Variants in PDE4D observed in about 807,000 individuals in gnomAD.
The protein encoded by PDE4D is 3',5'-cyclic-AMP phosphodiesterase 4D.
Under a neutral mutation model 87.4 loss-of-function variants are expected in PDE4D, and 24 were observed. That is an observed-to-expected ratio of 0.27 (90% CI 0.20 to 0.39). PDE4D has a LOEUF of 0.39. PDE4D is among the 10% of genes least tolerant of loss of function. PDE4D has a pLI of 1.00. For synonymous variants in PDE4D, 384 were observed against 383.2 expected, an observed-to-expected ratio of 1.00 and a Z score of -0.02; for missense variants, 714 against 1,041.0, an observed-to-expected ratio of 0.69 and a Z score of 4.32.
intron 1 of PDE4D, chr5:59,768,654 T>C: frequency 2.0e-6 from 3 of 1,506,064 alleles, no homozygotes; most frequent in Non-Finnish European, 2.6e-6. Context: ...CTGTAGAGCC[T>C]GGGGCTGGGT....
At chr5:59,434,873 A>G (rs562259688) in intron 1 of PDE4D, among the ~76,000 whole-genome samples, 21 of 152,210 alleles carry the variant, frequency 1.4e-4, no homozygotes, top group African/African-American at 5.1e-4. Flanking sequence ...AATAGCTAAC[A>G]CTGATCAGAT....
chr5:59,637,558 T>C (rs1340259700), intron 1 of PDE4D, among the ~76,000 whole-genome samples: 2 of 151,828 alleles, frequency 1.3e-5, no homozygotes, highest in Non-Finnish European at 2.9e-5. Flanking sequence ...CATGGAATAC[T>C]TTGCAGACAT....
At chr5:60,238,995 T>C (rs1746759896) in intron 1 of PDE4D, among the ~76,000 whole-genome samples, 1 of 152,068 alleles carries the variant, frequency 6.6e-6, no homozygotes, top group Non-Finnish European at 1.5e-5. Context: ...AGCATTCCAA[T>C]AATGGAACAC....
chr5:59,163,784 A>C (rs1416642062), intron 5 of PDE4D, among the ~76,000 whole-genome samples: 1 of 152,168 alleles, frequency 6.6e-6, no homozygotes, highest in African/African-American at 2.4e-5. Flanking sequence ...TAAAGGAAAT[A>C]GTTGTTATGA....
At chr5:60,171,122 T>C (rs144445941) in intron 2 of PDE4D, among the ~76,000 whole-genome samples, 2 of 152,188 alleles carry the variant, frequency 1.3e-5, no homozygotes, top group East Asian at 1.9e-4. Flanking sequence ...AATGACTACA[T>C]TGTCATTTGT....
chr5:59,764,111 C>T (rs1014562542), intron 1 of PDE4D, among the ~76,000 whole-genome samples: 1 of 152,160 alleles, frequency 6.6e-6, no homozygotes, highest in Non-Finnish European at 1.5e-5. Flanking sequence ...TCCTTTCCTA[C>T]AGTAATAAAA....
chr5:59,146,895 A>G (rs1175124150), intron 5 of PDE4D, among the ~76,000 whole-genome samples: 1 of 152,158 alleles, frequency 6.6e-6, no homozygotes, highest in African/African-American at 2.4e-5. Flanking sequence ...CCCAACCTCC[A>G]AGCCACAGAC....
chr5:59,586,941 C>T lies in PDE4D; in HGVS notation c.455+306227G>A, dbSNP rs941138485. 1.8e-5 allele frequency: 18 copies of T among 985,294 alleles called. No individual in the cohort carries two copies. In the East Asian group the frequency reaches 6.8e-4, roughly 37 times the overall value. 61.0% of individuals were successfully genotyped at this position (985,294 alleles called of 1,614,324 possible). A position where few individuals can be genotyped will look rare whatever the true frequency, so the allele number is the denominator to read the frequency against. On this transcript the variant is annotated intron_variant, in intron 1 of 14. Transcript: ENST00000340635. ...CGCAGTGCTACCGTCTGAGACGTGT[C>T]GGACAAAGGCCTGGGCAGAGGGGCT...
rs35539982 is a variant in PDE4D, at chr5:60,305,038, T to TACACACAC, written c.-89-119359_-89-119352dup. 4.7e-3 allele frequency among the ~76,000 whole-genome samples: 633 copies of TACACACAC among 135,922 alleles called. 4 individuals carry two copies. The highest frequency in any genetic ancestry group is 7.2e-3 in the Middle Eastern group (2 of 276). The allele number at this position is 135,922 out of a possible 152,430, so 89.2% of individuals were successfully genotyped here. A position where few individuals can be genotyped will look rare whatever the true frequency, so the allele number is the denominator to read the frequency against. On this transcript the variant is annotated intron_variant, in intron 1 of 16. Coordinates refer to the PDE4D transcript ENST00000502484. ...CTCTAGTTATTTTAGTTTTGAGCTA[T>TACACACAC]ACACACACACACACACACACACACA... is the stretch of plus-strand genomic sequence containing the variant.
intron 2 of PDE4D, among the ~76,000 whole-genome samples, chr5:59,194,424 G>A (rs572017515): frequency 9.9e-5 from 15 of 152,166 alleles, no homozygotes; most frequent in East Asian, 9.6e-4. Flanking sequence ...TAAACTTTTC[G>A]CTCACTCATG....
chr5:60,126,007 A>G (rs893848938), intron 2 of PDE4D, among the ~76,000 whole-genome samples: 3 of 152,176 alleles, frequency 2.0e-5, no homozygotes, highest in Admixed American at 2.0e-4. Flanking sequence ...AGTTTGAGAA[A>G]GAGAAATAGT....
At chr5:59,157,944 G>A (rs1780494107) in intron 5 of PDE4D, among the ~76,000 whole-genome samples, 1 of 152,202 alleles carries the variant, frequency 6.6e-6, no homozygotes, top group Admixed American at 6.5e-5. Context: ...AGTTAGAGAT[G>A]TCTGGCTCCA....
chr5:60,184,369 T>G (rs1784611641), intron 2 of PDE4D, among the ~76,000 whole-genome samples: 1 of 152,186 alleles, frequency 6.6e-6, no homozygotes, highest in Admixed American at 6.5e-5. Context: ...GTTTGCAGTT[T>G]GGTAGTTTGT....
At chr5:59,523,817 G>A (rs972635518) in intron 1 of PDE4D, among the ~76,000 whole-genome samples, 1 of 152,150 alleles carries the variant, frequency 6.6e-6, no homozygotes, top group African/African-American at 2.4e-5. Context: ...CCCCCATGCT[G>A]TTCTAATAAT....
intron 2 of PDE4D, among the ~76,000 whole-genome samples, chr5:59,199,107 C>T (rs1468440691): frequency 6.6e-6 from 1 of 152,144 alleles, no homozygotes; most frequent in African/African-American, 2.4e-5. Context: ...GGAGCAAAGA[C>T]CCCTAATCCT....
At chr5:59,224,795 C>T (rs1753376559) in intron 1 of PDE4D, among the ~76,000 whole-genome samples, 1 of 152,098 alleles carries the variant, frequency 6.6e-6, no homozygotes, top group African/African-American at 2.4e-5. Flanking sequence ...CTCTCTTCAC[C>T]ATGTGAGGAC....
intron 1 of PDE4D, among the ~76,000 whole-genome samples, chr5:59,445,557 A>G (rs2153637962): frequency 6.6e-6 from 1 of 152,336 alleles, no homozygotes; most frequent in South Asian, 2.1e-4. Flanking sequence ...CATGACCTTG[A>G]TAATACCAAT....
chr5:59,872,792 T>C (rs909768614), intron 1 of PDE4D, among the ~76,000 whole-genome samples: 1 of 152,194 alleles, frequency 6.6e-6, no homozygotes, highest in African/African-American at 2.4e-5. Context: ...GGGAATATTT[T>C]TGCCTTTGGG....
At chr5:59,573,795 C>T (rs986757912) in intron 1 of PDE4D, among the ~76,000 whole-genome samples, 1 of 150,956 alleles carries the variant, frequency 6.6e-6, no homozygotes, top group African/African-American at 2.4e-5. Flanking sequence ...GTCAGGAGTT[C>T]GAGACCAGCC....
Sources: allele counts gnomAD v4.1 joint callset (sites outside exome capture counted in the v4.1 genomes callset), GRCh38; gene constraint gnomAD v4.1.1; transcripts MANE v1.5; gene names NCBI Gene and HGNC (gene_info 2026-07-23, HGNC 2026-07-21).